ABLIM2: variants seen among roughly 807,000 people sequenced by gnomAD.
ABLIM2 encodes actin binding LIM protein family member 2.
Under a neutral mutation model 97.7 loss-of-function variants are expected in ABLIM2, and 53 were observed. That is an observed-to-expected ratio of 0.54 (90% CI 0.44 to 0.68). The LOEUF (loss-of-function observed/expected upper bound fraction) is 0.68. Among genes scored for constraint, ABLIM2 ranks in the 30% least tolerant of loss-of-function variants. The pLI, the probability that ABLIM2 is intolerant of heterozygous loss-of-function variation, is 0.00. For missense variants in ABLIM2, 835 were observed against 867.2 expected (o/e 0.96, Z 0.47); for synonymous variants, 361 against 345.8 (o/e 1.04, Z -0.49).
intron 6 of ABLIM2, among the ~76,000 whole-genome samples, chr4:8,073,553 G>C (rs1028323864): frequency 1.3e-5 from 2 of 152,006 alleles, no homozygotes; most frequent in African/African-American, 4.8e-5. Flanking sequence ...GGGTGAGGGA[G>C]GGAGAGGCCA....
intron 10 of ABLIM2, 24 bp from the exon 11 acceptor site, chr4:8,029,800 G>T: frequency 6.4e-7 from 1 of 1,562,032 alleles, no homozygotes; most frequent in South Asian, 1.2e-5. Flanking sequence ...TGCAGCTTGT[G>T]AACACTGGAG....
At chr4:8,012,383 C>T (rs1041958159) in intron 14 of ABLIM2, among the ~76,000 whole-genome samples, 10 of 151,060 alleles carry the variant, frequency 6.6e-5, no homozygotes, top group African/African-American at 2.4e-4. Context: ...ATCTACCCAT[C>T]CACCCACCTA....
chr4:8,128,027 G>C lies in ABLIM2; in HGVS notation c.11-21390C>G, dbSNP rs1346525388. Among the ~76,000 whole-genome samples the C allele has an allele frequency of 3.3e-5, 5 of 152,284 alleles. No homozygotes were observed. The highest frequency in any genetic ancestry group is 1.2e-4 in the African/African-American group (5 of 41,572). On this transcript the variant is annotated intron_variant, in intron 1 of 20. Transcript: ENST00000447017. The surrounding 1 kb of genome is among the most constrained non-coding windows in gnomAD (Gnocchi z 4.9). ...TACGGATTCTCTCGCAGTTCTGGGGGCCAGAAGTCTGACATGAAGGTGCCA... is the reference window on the plus strand; with the variant it reads ...TACGGATTCTCTCGCAGTTCTGGGGCCCAGAAGTCTGACATGAAGGTGCCA...
In ABLIM2 at chr4:8,004,103, C is replaced by T. The variant is rs868752188; in HGVS notation, c.1618+3956G>A. ...GGAAGACCACCTCTGCCCTGGTCCC[C>T]ACCCACCACCTTCCCTTCCACAGAA... On this transcript the variant is annotated intron_variant, in intron 16 of 20. Coordinates refer to ENST00000447017, the MANE Select transcript of ABLIM2 (RefSeq NM_001130083.2). This position sits in a 1 kb window ranked among gnomAD's most constrained non-coding sequence, Gnocchi z 5.9. Among the ~76,000 whole-genome samples the T allele has an allele frequency of 2.0e-5, 3 of 149,052 alleles. No homozygotes were observed. The highest frequency in any genetic ancestry group is 3.4e-3 in the Middle Eastern group (1 of 294).
At chr4:7,993,782 C>A (rs558964162) in intron 16 of ABLIM2, among the ~76,000 whole-genome samples, 1 of 152,198 alleles carries the variant, frequency 6.6e-6, no homozygotes, top group African/African-American at 2.4e-5. Context: ...TGGTCTGAGA[C>A]AATGAACTCT....
At position 7,980,941 on chromosome 4, in the gene ABLIM2, A is replaced by ATTTT. The variant is rs1167615555; in HGVS notation, c.1824+2319_1824+2322dup. Among the ~76,000 whole-genome samples the ATTTT allele has an allele frequency of 2.1e-3, 172 of 82,974 alleles. 36 individuals are homozygous for ATTTT. The highest frequency in any genetic ancestry group is 8.1e-3 in the African/African-American group (147 of 18,100). The allele number at this position is 82,974 out of a possible 152,430, so 54.4% of individuals were successfully genotyped here. On this transcript the variant is annotated intron_variant, in intron 20 of 20. Coordinates refer to ENST00000447017, the MANE Select transcript of ABLIM2 (RefSeq NM_001130083.2). ...AGAACCATGGTCTCCACAACCCCTT[A>ATTTT]TTTTTTTTTTTTTTTTTTTTGAGAT... is the stretch of plus-strand genomic sequence containing the variant.
At position 7,965,404 on chromosome 4, in the gene ABLIM2, C is replaced by T. The variant is rs890241685; in HGVS notation, c.*1586G>A. Reference sequence around the variant, plus strand: ...TGCACTAATGAGAAATGGGGGTTTCCAGTTGCTCAGGCTCAGATTGCGCAA... The same window carrying T: ...TGCACTAATGAGAAATGGGGGTTTCTAGTTGCTCAGGCTCAGATTGCGCAA... On this transcript the variant is annotated 3_prime_UTR_variant, in exon 21 of 21. Coordinates refer to ENST00000447017, the MANE Select transcript of ABLIM2 (RefSeq NM_001130083.2). 1.3e-5 allele frequency: 2 copies of T among 152,712 alleles called. No homozygotes were observed. The highest frequency in any genetic ancestry group is 1.3e-4 in the Admixed American group (2 of 15,296). 9.5% of individuals were successfully genotyped at this position (152,712 alleles called of 1,614,324 possible). A position where few individuals can be genotyped will look rare whatever the true frequency, so the allele number is the denominator to read the frequency against.
intron 11 of ABLIM2, among the ~76,000 whole-genome samples, chr4:8,028,557 A>C (rs547367848): frequency 6.6e-6 from 1 of 151,982 alleles, no homozygotes; most frequent in South Asian, 2.1e-4. Flanking sequence ...TCACCAATTC[A>C]CTCATTCACT....
In ABLIM2 at chr4:7,971,000, G is replaced by A. The variant is rs907338668; in HGVS notation, c.1825-3897C>T. Among the ~76,000 whole-genome samples, 31 of 152,206 alleles carry A rather than the reference G, an allele frequency of 2.0e-4. No homozygotes were observed. The highest frequency in any genetic ancestry group is 7.0e-4 in the African/African-American group (29 of 41,544). The stretch of plus-strand genomic sequence containing the variant: ...AGAGAACTTGGTTGCCTGGGTATCC[G>A]GAAGGCTGGGTGAGGGTCACATGAG... On this transcript the variant is annotated intron_variant, in intron 20 of 20. Transcript: ENST00000447017. This position sits in a 1 kb window ranked among gnomAD's most constrained non-coding sequence, Gnocchi z 5.3.
chr4:8,030,970 C>T (rs977348840), intron 10 of ABLIM2, among the ~76,000 whole-genome samples: 3 of 152,248 alleles, frequency 2.0e-5, no homozygotes, highest in African/African-American at 7.2e-5. Flanking sequence ...TACCATCCCC[C>T]AGCACTGTGT....
At chr4:8,051,519 T>A (rs1397132565) in intron 8 of ABLIM2, among the ~76,000 whole-genome samples, 4 of 139,124 alleles carry the variant, frequency 2.9e-5, no homozygotes, top group African/African-American at 1.1e-4. Flanking sequence ...ATCACGCCAC[T>A]GGCCACTGCA....
chr4:8,004,496 C>T lies in ABLIM2; in HGVS notation c.1618+3563G>A, dbSNP rs906542555. On this transcript the variant is annotated intron_variant, in intron 16 of 20. Transcript: ENST00000447017. The surrounding 1 kb of genome is among the most constrained non-coding windows in gnomAD (Gnocchi z 5.9). ...AGTGCTGGGTCCTTTCTAGGGGCCA[C>T]TGAGTCCTCTGGGCAGTGCCTCAAG... 3.9e-5 allele frequency among the ~76,000 whole-genome samples: 6 copies of T among 152,182 alleles called. No individual in the cohort carries two copies. Among genetic ancestry groups the T allele is most frequent in the African/African-American group, 1.4e-4 (6 of 41,448 alleles).
At chr4:8,102,321 C>T (rs1320846242) in intron 2 of ABLIM2, among the ~76,000 whole-genome samples, 2 of 152,226 alleles carry the variant, frequency 1.3e-5, no homozygotes, top group Non-Finnish European at 2.9e-5. Context: ...TCACCTCCTC[C>T]GTGAGGCCCA....
chr4:8,123,400 G>A lies in ABLIM2; in HGVS notation c.11-16763C>T, dbSNP rs1446210059. ...CTGGCAGGGTGGGGCCTGGAGCCTG[G>A]GCCTCTATGTCAGGGAACTGGTTTT... On this transcript the variant is annotated intron_variant, in intron 1 of 20. Coordinates refer to ENST00000447017, the MANE Select transcript of ABLIM2 (RefSeq NM_001130083.2). This position sits in a 1 kb window ranked among gnomAD's most constrained non-coding sequence, Gnocchi z 6.2. 6.6e-6 allele frequency among the ~76,000 whole-genome samples: 1 copy of A among 152,158 alleles called. No individual in the cohort carries two copies. Among genetic ancestry groups the A allele is most frequent in the African/African-American group, 2.4e-5 (1 of 41,428 alleles).
chr4:8,094,836 C>G (rs919847122), intron 3 of ABLIM2, among the ~76,000 whole-genome samples: 1 of 152,092 alleles, frequency 6.6e-6, no homozygotes, highest in Admixed American at 6.5e-5. Flanking sequence ...CTGATTTTTA[C>G]TATTACTTTT....
chr4:8,113,647 T>A lies in ABLIM2; in HGVS notation c.11-7010A>T, dbSNP rs1418285773. On this transcript the variant is annotated intron_variant, in intron 1 of 20. Coordinates refer to ENST00000447017, the MANE Select transcript of ABLIM2 (RefSeq NM_001130083.2). The surrounding 1 kb of genome is among the most constrained non-coding windows in gnomAD (Gnocchi z 4.5). ...ACTTGGGGTCCACCCATGGCAGGGG[T>A]TCTCATCGGAGGCCCGCTCCATCCG... Among the ~76,000 whole-genome samples the A allele has an allele frequency of 6.6e-6, 1 of 152,144 alleles. No individual in the cohort carries two copies. Among genetic ancestry groups the A allele is most frequent in the Non-Finnish European group, 1.5e-5 (1 of 68,026 alleles).
At chr4:7,993,544 G>A (rs1750661175) in intron 16 of ABLIM2, among the ~76,000 whole-genome samples, 1 of 152,178 alleles carries the variant, frequency 6.6e-6, no homozygotes, top group Non-Finnish European at 1.5e-5. Flanking sequence ...AGCTGTGGTG[G>A]TGCACGCCTG....
chr4:7,983,221 C>G (rs754295363), intron 20 of ABLIM2, 43 bp downstream of exon 20: 1 of 1,568,540 alleles, frequency 6.4e-7, no homozygotes. Flanking sequence ...CGGGGACTCT[C>G]GCATGGGAAA....
In ABLIM2 at chr4:8,033,379, C is replaced by T. The variant is rs1301914392; in HGVS notation, c.1047+2770G>A. ...AACTCGACGGCCTCTGGGAGGCTGC[C>T]ACGGGCCCTGTGAAGCCCTGTGCCA... On this transcript the variant is annotated intron_variant, in intron 10 of 20. Transcript: ENST00000447017. The surrounding 1 kb of genome is among the most constrained non-coding windows in gnomAD (Gnocchi z 4.5). 2.0e-5 allele frequency among the ~76,000 whole-genome samples: 3 copies of T among 152,180 alleles called. No homozygotes were observed. Among genetic ancestry groups the T allele is most frequent in the Non-Finnish European group, 4.4e-5 (3 of 68,030 alleles).
Sources: gnomAD v4.1 joint callset for allele counts (sites outside exome capture counted in the v4.1 genomes callset) on GRCh38, gnomAD v4.1.1 for gene constraint, Gnocchi (gnomAD v3.1) non-coding constraint, MANE v1.5 for transcripts, NCBI Gene and HGNC (gene_info 2026-07-23, HGNC 2026-07-21) for gene names.